Variants in CTCF observed in about 807,000 individuals in gnomAD.
CTCF encodes transcriptional repressor CTCF.
CTCF carries 7 observed loss-of-function variants against 72.3 expected under a neutral mutation model. That is an observed-to-expected ratio of 0.10 (90% CI 0.06 to 0.18). The LOEUF (loss-of-function observed/expected upper bound fraction) is 0.18, where lower values mean the gene tolerates loss of function less well. Ranked by LOEUF, CTCF falls within the 10% of genes least tolerant of loss-of-function variation. The pLI is 1.00. For synonymous variants in CTCF, 374 were observed against 315.8 expected, an observed-to-expected ratio of 1.18 and a Z score of -1.95; for missense variants, 516 against 949.1, an observed-to-expected ratio of 0.54 and a Z score of 6.00.
chr16:67,631,953 C>T (rs996859091), intron 10 of CTCF, among the ~76,000 whole-genome samples: 5 of 151,224 alleles, frequency 3.3e-5, no homozygotes, highest in South Asian at 2.1e-4. Context: ...CCTGCGCCTG[C>T]GGTCCCAGCT....
At chr16:67,631,154 GT>G (rs766362012) in intron 10 of CTCF, among the ~76,000 whole-genome samples, 1,950 of 125,040 alleles carry the variant, frequency 0.016, 67 homozygotes, top group African/African-American at 0.056. Flanking sequence ...TTCTTTGTTT[GT>G]TTTTTTTTTG....
intron 2 of CTCF, among the ~76,000 whole-genome samples, chr16:67,580,281 C>G (rs1457643157): frequency 6.6e-6 from 1 of 152,154 alleles, no homozygotes; most frequent in Non-Finnish European, 1.5e-5. Flanking sequence ...GTGATCATAG[C>G]TCACTATAAC....
rs781661349 is a variant in CTCF, at chr16:67,626,586, T to C, written c.1389T>C (p.Ile463=). Residue 463 remains isoleucine (I), a synonymous_variant, in exon 8 of 12, where the codon ATT becomes ATC. Coordinates refer to ENST00000264010, the MANE Select transcript of CTCF (RefSeq NM_006565.4). ...GVHLRKQHSY[I]EQGKKCRYCD... is the part of the protein sequence containing the mutation. ...ACTTGCGAAAGCAGCATTCCTATATTGAGCAAGGCAAGAAATGCCGTTACT... is the reference window on the plus strand; with the variant it reads ...ACTTGCGAAAGCAGCATTCCTATATCGAGCAAGGCAAGAAATGCCGTTACT... The C allele has an allele frequency of 2.6e-6, 4 of 1,549,976 alleles. No homozygotes were observed. The highest frequency in any genetic ancestry group is 2.8e-5 in the African/African-American group (2 of 72,598).
intron 9 of CTCF, 133 bp downstream of exon 9, chr16:67,628,685 A>T: frequency 1.1e-6 from 1 of 880,102 alleles, no homozygotes; most frequent in Admixed American, 2.3e-5. Flanking sequence ...AGGGTTAGTC[A>T]TCCCCATCTT....
intron 10 of CTCF, 23 bp from the exon 11 acceptor site, chr16:67,636,667 G>A (rs1302090621): frequency 6.4e-7 from 1 of 1,574,312 alleles, no homozygotes; most frequent in East Asian, 2.3e-5. Context: ...CCCACCACCT[G>A]TGCTTCCTGA....
chr16:67,586,913 C>CCT (rs1201121443), intron 2 of CTCF, among the ~76,000 whole-genome samples: 2 of 151,988 alleles, frequency 1.3e-5, no homozygotes, highest in Non-Finnish European at 2.9e-5. Context: ...CCCGCCTCAG[C>CCT]CTCCTGAGTA....
chr16:67,563,634 G>C (rs1006219609), intron 1 of CTCF: 1 of 152,236 alleles, frequency 6.6e-6, no homozygotes, highest in Non-Finnish European at 1.5e-5. Flanking sequence ...ATCCAGCCGG[G>C]TTCGGACTCC....
chr16:67,630,028 A>T (rs1322160281), intron 10 of CTCF, among the ~76,000 whole-genome samples: 2 of 151,380 alleles, frequency 1.3e-5, no homozygotes, highest in East Asian at 3.9e-4. Flanking sequence ...CGCCCTCCTC[A>T]GCCTCCCAAA....
intron 1 of CTCF, chr16:67,568,581 G>A (rs1176947159): frequency 1.3e-5 from 2 of 152,196 alleles, no homozygotes; most frequent in Non-Finnish European, 2.9e-5. Context: ...TAGAGACTGG[G>A]TTTCACCACG....
At chr16:67,597,986 G>GTT (rs996897661) in intron 2 of CTCF, among the ~76,000 whole-genome samples, 1 of 151,216 alleles carries the variant, frequency 6.6e-6, no homozygotes, top group African/African-American at 2.4e-5. Context: ...GTTTTTCTTA[G>GTT]TTTTTTTTTA....
chr16:67,626,646 C>G lies in CTCF; in HGVS notation c.1449C>G (p.Ile483Met). 1 of 1,571,544 alleles carries G rather than the reference C, an allele frequency of 6.4e-7. No homozygotes were observed. The highest frequency in any genetic ancestry group is 8.6e-7 in the Non-Finnish European group (1 of 1,157,070). ...TGTTTCATGAGCGCTATGCCCTCAT[C>G]CAGCATCAGAAGTCACACAAGAATG... ...DAVFHERYAL[I>M]QHQKSHKNEK... is the part of the protein sequence containing the mutation. The change falls in exon 8 of 12, where the codon ATC (isoleucine) becomes ATG (methionine). Residue 483 changes from isoleucine to methionine, a missense_variant. Transcript: ENST00000264010.
intron 2 of CTCF, among the ~76,000 whole-genome samples, chr16:67,602,858 A>G (rs186273975): frequency 0.031 from 4,705 of 151,380 alleles, 121 homozygotes; most frequent in South Asian, 0.058. Context: ...AAAAAAAAAA[A>G]AAAGAGAAGA....
chr16:67,585,737 A>G (rs918526911), intron 2 of CTCF, among the ~76,000 whole-genome samples: 2 of 152,188 alleles, frequency 1.3e-5, no homozygotes, highest in Non-Finnish European at 2.9e-5. Context: ...GGTATGATAC[A>G]TAACTCTTCT....
chr16:67,621,701 A>G (rs1049965217), intron 7 of CTCF, 110 bp downstream of exon 7: 2 of 687,540 alleles, frequency 2.9e-6, no homozygotes, highest in Non-Finnish European at 4.7e-6. Context: ...CATTTTATGT[A>G]TAGGAATGGC....
chr16:67,570,526 G>A (rs2051402281), intron 1 of CTCF, among the ~76,000 whole-genome samples: 1 of 151,118 alleles, frequency 6.6e-6, no homozygotes, highest in Non-Finnish European at 1.5e-5. Flanking sequence ...TCGGCTCACT[G>A]CATGCTCTGC....
At chr16:67,604,539 C>T (rs529328136) in intron 2 of CTCF, among the ~76,000 whole-genome samples, 72 of 152,120 alleles carry the variant, frequency 4.7e-4, no homozygotes, top group African/African-American at 1.5e-3. Context: ...GACAGGATTT[C>T]GCCATGTTAG....
At chr16:67,596,174 G>A (rs754364305) in intron 2 of CTCF, among the ~76,000 whole-genome samples, 2 of 152,050 alleles carry the variant, frequency 1.3e-5, no homozygotes, top group South Asian at 2.1e-4. Context: ...GGATGGTCTC[G>A]ATCTCCTGAC....
At chr16:67,593,352 C>T (rs1255693950) in intron 2 of CTCF, among the ~76,000 whole-genome samples, 2 of 151,960 alleles carry the variant, frequency 1.3e-5, no homozygotes, top group South Asian at 2.1e-4. Context: ...CGTTTTCTCC[C>T]TCCCCCTCCT....
intron 2 of CTCF, among the ~76,000 whole-genome samples, chr16:67,581,540 G>C (rs1165160874): frequency 6.6e-6 from 1 of 151,846 alleles, no homozygotes; most frequent in Non-Finnish European, 1.5e-5. Context: ...GTCTTCCTCT[G>C]TTGTCCAGTC....
Sources: allele counts gnomAD v4.1 joint callset (sites outside exome capture counted in the v4.1 genomes callset), GRCh38; gene constraint gnomAD v4.1.1; transcripts MANE v1.5; gene names NCBI Gene and HGNC (gene_info 2026-07-23, HGNC 2026-07-21).